SAMD4B: variants seen among roughly 807,000 people sequenced by gnomAD.
SAMD4B encodes sterile alpha motif domain containing 4B, also known as protein Smaug homolog 2.
In SAMD4B, 5 loss-of-function variants were observed where a neutral mutation model predicts 74.5. The ratio of observed to expected loss-of-function variants is 0.07; its 90% CI spans 0.04 to 0.14. The LOEUF is 0.14. SAMD4B is among the 10% of genes least tolerant of loss of function. The probability of loss-of-function intolerance (pLI) is 1.00; values close to 1 mark genes in which losing one functional copy is unlikely to be tolerated. For missense variants in SAMD4B, 608 were observed against 921.8 expected (o/e 0.66, Z 4.41); for synonymous variants, 373 against 374.9 (o/e 1.00, Z 0.06).
intron 1 of SAMD4B, among the ~76,000 whole-genome samples, chr19:39,352,685 G>A (rs573113860): frequency 6.6e-6 from 1 of 151,290 alleles, no homozygotes; most frequent in South Asian, 2.1e-4. Flanking sequence ...TATTATGTCC[G>A]AAAGCTTTGC....
At chr19:39,361,226 G>A (rs1055803102) in intron 3 of SAMD4B, among the ~76,000 whole-genome samples, 18 of 152,134 alleles carry the variant, frequency 1.2e-4, no homozygotes, top group Non-Finnish European at 2.1e-4. Flanking sequence ...GGATGGACCA[G>A]TTAGAAAATC....
In SAMD4B at chr19:39,383,746, G is replaced by T; in HGVS notation, c.*219G>T. On this transcript the variant is annotated 3_prime_UTR_variant, in exon 14 of 14. Coordinates refer to ENST00000610417, the MANE Select transcript of SAMD4B (RefSeq NM_001384574.2). The surrounding 1 kb of genome is among the most constrained non-coding windows in gnomAD (Gnocchi z 4.1). ...TCTCTGCTGAGGCCCGGGGAGTTGG[G>T]GGCAGCCAGGATAAAGGGGGCAGGG... is the stretch of plus-strand genomic sequence containing the variant. The T allele has an allele frequency of 6.6e-7, 1 of 1,526,606 alleles. No homozygotes were observed. The highest frequency in any genetic ancestry group is 8.8e-7 in the Non-Finnish European group (1 of 1,139,032). 94.6% of individuals were successfully genotyped at this position (1,526,606 alleles called of 1,614,324 possible).
At chr19:39,344,924 C>T (rs141048366) in intron 1 of SAMD4B, among the ~76,000 whole-genome samples, 1 of 152,264 alleles carries the variant, frequency 6.6e-6, no homozygotes, top group African/African-American at 2.4e-5. Context: ...CTTTCAGAAG[C>T]CTTCTTCCTT....
intron 3 of SAMD4B, among the ~76,000 whole-genome samples, chr19:39,358,573 A>T (rs2076468350): frequency 6.6e-6 from 1 of 151,716 alleles, no homozygotes; most frequent in Non-Finnish European, 1.5e-5. Flanking sequence ...TAAATTCAAC[A>T]TGATATCCTG....
At chr19:39,352,012 C>T (rs1170231647) in intron 1 of SAMD4B, 1 of 152,292 alleles carries the variant, frequency 6.6e-6, no homozygotes, top group East Asian at 1.9e-4. Context: ...CAGCCAAGCA[C>T]ATGGGATAGA....
intron 1 of SAMD4B, among the ~76,000 whole-genome samples, chr19:39,344,703 A>G (rs1456849453): frequency 6.6e-6 from 1 of 152,048 alleles, no homozygotes; most frequent in Admixed American, 6.6e-5. Context: ...GAGGTCCCCA[A>G]CATTCTCCAG....
chr19:39,367,791 G>A (rs1416322083), intron 3 of SAMD4B, among the ~76,000 whole-genome samples: 1 of 151,624 alleles, frequency 6.6e-6, no homozygotes, highest in East Asian at 2.0e-4. Context: ...TTACAGGCGT[G>A]AGCCACCACG....
downstream of SAMD4B, chr19:39,386,356 C>G (rs775206566): frequency 6.2e-7 from 1 of 1,614,212 alleles, no homozygotes; most frequent in Admixed American, 1.7e-5. This position sits in a 1 kb window ranked among gnomAD's most constrained non-coding sequence, Gnocchi z 6.1. Context: ...GAGTGCTCAT[C>G]TTCACTGCCC....
chr19:39,345,877 T>C (rs1017903521), intron 1 of SAMD4B, among the ~76,000 whole-genome samples: 2 of 152,148 alleles, frequency 1.3e-5, no homozygotes, highest in Non-Finnish European at 2.9e-5. Flanking sequence ...CTCCCTTTTT[T>C]TTCTCCACAC....
chr19:39,372,451 AG>A, intron 4 of SAMD4B, among the ~76,000 whole-genome samples: 1 of 152,282 alleles, frequency 6.6e-6, no homozygotes, highest in South Asian at 2.1e-4. Context: ...GGGGCGTTGA[AG>A]GACAGGAGAA....
At chr19:39,379,607 G>C (rs1380314179) in intron 9 of SAMD4B, among the ~76,000 whole-genome samples, 1 of 152,200 alleles carries the variant, frequency 6.6e-6, no homozygotes, top group Non-Finnish European at 1.5e-5. Context: ...GTCTCGCTCT[G>C]TTGCCCAGGC....
chr19:39,388,543 A>C, downstream of SAMD4B: 1 of 1,613,842 alleles, frequency 6.2e-7, no homozygotes, highest in Non-Finnish European at 8.5e-7. Flanking sequence ...CCCAAAACTT[A>C]ACCGCAACCC....
chr19:39,369,797 C>T lies in SAMD4B; in HGVS notation c.339C>T (p.Ile113=), dbSNP rs188823980. The part of the protein sequence containing the change: ...RLLQKVLAYS[I]ESNAFIEESR... The stretch of plus-strand genomic sequence containing the variant: ...TGCAGAAAGTGCTGGCCTACTCAAT[C>T]GAGAGCAATGCTTTCATCGAGGAGA... Residue 113 remains isoleucine, a synonymous_variant, in exon 4 of 14, where the codon ATC becomes ATT. Transcript: ENST00000610417. The T allele has an allele frequency of 2.2e-5, 36 of 1,614,250 alleles. No individual in the cohort carries two copies. Among genetic ancestry groups the T allele is most frequent in the African/African-American group, 2.1e-4 (16 of 75,064 alleles).
downstream of SAMD4B, chr19:39,386,088 G>C (rs763176309): frequency 8.1e-6 from 13 of 1,613,908 alleles, no homozygotes; most frequent in Admixed American, 2.0e-4. The surrounding 1 kb of genome is among the most constrained non-coding windows in gnomAD (Gnocchi z 6.1). Flanking sequence ...GAAGGGACTG[G>C]CGCTGCGGCT....
At chr19:39,385,848 G>GAAGTA, downstream of SAMD4B, 1 of 1,216,580 alleles carries the variant, frequency 8.2e-7, no homozygotes, top group East Asian at 2.5e-5. Flanking sequence ...GCTGGGAGGG[G>GAAGTA]AAGTAAAGAG....
chr19:39,383,573 CG>C lies in SAMD4B; in HGVS notation c.*51del. ...ACCCATAGGCTCCCTGGGCGGCGGG[CG>C]GGGGCCAACCCCCAACGGGCTTCTC... On this transcript the variant is annotated 3_prime_UTR_variant, in exon 14 of 14. Coordinates refer to ENST00000610417, the MANE Select transcript of SAMD4B (RefSeq NM_001384574.2). This position sits in a 1 kb window ranked among gnomAD's most constrained non-coding sequence, Gnocchi z 4.1. 2 of 1,614,140 alleles carry C rather than the reference CG, an allele frequency of 1.2e-6. No homozygotes were observed. The highest frequency in any genetic ancestry group is 1.7e-6 in the Non-Finnish European group (2 of 1,180,014).
chr19:39,383,118 C>A lies in SAMD4B; in HGVS notation c.1973-90C>A. ...TCTCCCCCTCCATCTCTCTTGCTCC[C>A]TTCCCATACCAGCATCCTTTGTCAT... On this transcript the variant is annotated intron_variant, in intron 12 of 13. Transcript: ENST00000610417. The surrounding 1 kb of genome is among the most constrained non-coding windows in gnomAD (Gnocchi z 4.1). 1 of 1,041,478 alleles carries A rather than the reference C, an allele frequency of 9.6e-7. No homozygotes were observed. Among genetic ancestry groups the A allele is most frequent in the South Asian group, 1.3e-5 (1 of 79,402 alleles). The allele number at this position is 1,041,478 out of a possible 1,614,324, so 64.5% of individuals were successfully genotyped here.
intron 3 of SAMD4B, among the ~76,000 whole-genome samples, chr19:39,361,241 C>T (rs1219972048): frequency 2.0e-5 from 3 of 152,112 alleles, no homozygotes; most frequent in African/African-American, 7.2e-5. Context: ...AAAATCTTCC[C>T]CTCCTCCCCA....
At chr19:39,345,366 T>C (rs1157887425) in intron 1 of SAMD4B, among the ~76,000 whole-genome samples, 1 of 152,230 alleles carries the variant, frequency 6.6e-6, no homozygotes, top group Non-Finnish European at 1.5e-5. Context: ...TTATTTCCGA[T>C]TCTACTTTTG....
Sources: gnomAD v4.1 joint callset for allele counts (sites outside exome capture counted in the v4.1 genomes callset) on GRCh38, gnomAD v4.1.1 for gene constraint, Gnocchi (gnomAD v3.1) non-coding constraint, MANE v1.5 for transcripts, NCBI Gene and HGNC (gene_info 2026-07-23, HGNC 2026-07-21) for gene names.